VPS8: variants seen among roughly 807,000 people sequenced by gnomAD.
VPS8 encodes the protein vacuolar protein sorting-associated protein 8 homolog.
A neutral mutation model predicts 216.4 loss-of-function variants in VPS8; 129 were observed. The ratio of observed to expected loss-of-function variants is 0.60; its 90% CI spans 0.52 to 0.69. The LOEUF (loss-of-function observed/expected upper bound fraction) is 0.69, where lower values mean the gene tolerates loss of function less well. Among genes scored for constraint, VPS8 ranks in the 30% least tolerant of loss-of-function variants. The pLI is 0.00. For missense variants in VPS8, 1,531 were observed against 1,683.5 expected (o/e 0.91, Z 1.59); for synonymous variants, 571 against 565.4 (o/e 1.01, Z -0.14).
rs988333239 is a variant in VPS8 at position 184,832,631 on chromosome 3, A to C, written c.223-58A>C. 3 of 1,490,930 alleles carry C rather than the reference A, an allele frequency of 2.0e-6. No homozygotes were observed. The Admixed American group carries it at 6.4e-5, about 32-fold the overall frequency. The allele number at this position is 1,490,930 out of a possible 1,614,324, so 92.4% of individuals were successfully genotyped here. On this transcript the variant is annotated intron_variant, in intron 3 of 47. Transcript: ENST00000625842. ...CTCTGGAGAAACCCATTAATGCCTG[A>C]CTCATTTCATAGAGTATTTGGATTT...
intron 42 of VPS8, among the ~76,000 whole-genome samples, chr3:184,984,947 A>G (rs1750840242): frequency 6.6e-6 from 1 of 152,196 alleles, no homozygotes; most frequent in Non-Finnish European, 1.5e-5. Flanking sequence ...AAGTCTCTTG[A>G]TATTTGAAAA....
intron 45 of VPS8, among the ~76,000 whole-genome samples, chr3:185,010,146 C>T (rs1049683624): frequency 7.9e-5 from 12 of 152,100 alleles, no homozygotes; most frequent in African/African-American, 2.4e-4. Flanking sequence ...TTCTTAGCCT[C>T]AGTAGTGGGG....
chr3:184,855,676 C>A, intron 13 of VPS8, 35 bp from the exon 14 acceptor site: 1 of 1,499,538 alleles, frequency 6.7e-7, no homozygotes, highest in Non-Finnish European at 9.2e-7. Flanking sequence ...TGTTTATTAA[C>A]TGTGATGATT....
At chr3:185,019,598 C>T (rs991087775) in intron 45 of VPS8, among the ~76,000 whole-genome samples, 7 of 152,236 alleles carry the variant, frequency 4.6e-5, no homozygotes, top group Non-Finnish European at 7.3e-5. Context: ...AGGCACAGAT[C>T]GCTCATGCTA....
rs974287621 is a variant in VPS8 at position 184,996,647 on chromosome 3, T to G, written c.3836+146T>G. 2.9e-5 allele frequency: 27 copies of G among 918,072 alleles called. No homozygotes were observed. The Admixed American group carries it at 5.9e-4, about 20-fold the overall frequency. 56.9% of individuals were successfully genotyped at this position (918,072 alleles called of 1,614,324 possible). A position where few individuals can be genotyped will look rare whatever the true frequency, so the allele number is the denominator to read the frequency against. ...GCCCTCACAGACCTTACATTCTGCA[T>G]TGGGGTGGAGGTTAGGGTGCCCAGG... is the stretch of plus-strand genomic sequence containing the variant. On this transcript the variant is annotated intron_variant, in intron 44 of 47. Transcript: ENST00000625842.
intron 33 of VPS8, among the ~76,000 whole-genome samples, chr3:184,929,982 T>G (rs750537806): frequency 3.3e-5 from 5 of 151,906 alleles, no homozygotes. Flanking sequence ...ATAAACTGAG[T>G]TTTGGAATTT....
Position 184,834,631 on chromosome 3 carries a change from T to C in VPS8, c.354-18T>C. The C allele has an allele frequency of 6.6e-7, 1 of 1,523,008 alleles. No individual in the cohort carries two copies. The highest frequency in any genetic ancestry group is 1.3e-5 in the South Asian group (1 of 78,582). 94.3% of individuals were successfully genotyped at this position (1,523,008 alleles called of 1,614,324 possible). A position where few individuals can be genotyped will look rare whatever the true frequency, so the allele number is the denominator to read the frequency against. ...CTATTTTTATCTGTTTTTAAATGTT[T>C]TTCTTTTTTTTTTTCAGGAAGAAGA... On this transcript the variant is annotated intron_variant, in intron 4 of 47. Transcript: ENST00000625842.
chr3:184,877,067 G>T (rs1403496177), intron 21 of VPS8, among the ~76,000 whole-genome samples: 1 of 152,136 alleles, frequency 6.6e-6, no homozygotes, highest in Non-Finnish European at 1.5e-5. Flanking sequence ...GTTCTTTCCA[G>T]TGTCTTAACA....
rs772730066 is a variant in VPS8 at position 184,849,157 on chromosome 3, G to C, written c.628G>C (p.Asp210His). Residue 210 changes from aspartate to histidine, a missense_variant, in exon 9 of 48, where the codon GAT (aspartate) becomes CAT (histidine). This residue lies in a region of VPS8 where 1,318 missense variants were observed against 1,468.4 expected (regional missense o/e 0.90). Transcript: ENST00000625842. ...TATCTCTGCCCTCAGTATCAACAATGATTGCTCAAGACTTCTTTGTGGCTT... is the reference window on the plus strand; with the variant it reads ...TATCTCTGCCCTCAGTATCAACAATCATTGCTCAAGACTTCTTTGTGGCTT... The part of the protein sequence containing the change: ...GAISALSINN[D>H]CSRLLCGFAK... 6.2e-7 allele frequency: 1 copy of C among 1,613,522 alleles called. No individual in the cohort carries two copies. The highest frequency in any genetic ancestry group is 1.1e-5 in the South Asian group (1 of 91,062).
chr3:184,907,999 A>G (rs1735793533), intron 25 of VPS8, among the ~76,000 whole-genome samples: 1 of 152,192 alleles, frequency 6.6e-6, no homozygotes, highest in African/African-American at 2.4e-5. Context: ...GAACTTTTCA[A>G]AAGCCCCGCA....
At position 185,024,358 on chromosome 3, in the gene VPS8, A is replaced by C. The variant is rs748487341; in HGVS notation, c.4025A>C (p.His1342Pro). 1 of 1,598,458 alleles carries C rather than the reference A, an allele frequency of 6.3e-7. No homozygotes were observed. The highest frequency in any genetic ancestry group is 1.7e-5 in the Admixed American group (1 of 57,922). ...CAGGTAAAAATGTCTCCATCGTATC[A>C]TCAGTCCAAAGGGGATCCCACTGCT... is the stretch of plus-strand genomic sequence containing the variant. ...PSQVKMSPSY[H>P]QSKGDPTAKK... Residue 1342 changes from histidine (H) to proline (P), a missense_variant, in exon 46 of 48, where the codon CAT becomes CCT. Physicochemically the swap from His to Pro is moderately conservative, Grantham distance 77. Around this residue, in one of 3 missense-constraint regions of VPS8, gnomAD observed 1,318 missense variants for 1,468.4 expected, o/e 0.90. Transcript: ENST00000625842.
chr3:184,844,960 T>TAGTCTCATTTC (rs1455620198), intron 8 of VPS8, among the ~76,000 whole-genome samples: 1 of 152,248 alleles, frequency 6.6e-6, no homozygotes, highest in African/African-American at 2.4e-5. Flanking sequence ...AGAAAGGTGA[T>TAGTCTCATTTC]AGTCTCATTT....
intron 39 of VPS8, among the ~76,000 whole-genome samples, chr3:184,969,354 G>C (rs1469402915): frequency 6.8e-6 from 1 of 147,716 alleles, no homozygotes; most frequent in African/African-American, 2.5e-5. Context: ...CTGACCTCAT[G>C]ATCTGCCTGC....
At position 184,824,669 on chromosome 3, in the gene VPS8, A is replaced by G. The variant is rs1184616352; in HGVS notation, c.37A>G (p.Ser13Gly). 6.2e-7 allele frequency: 1 copy of G among 1,613,870 alleles called. No homozygotes were observed. Among genetic ancestry groups the G allele is most frequent in the African/African-American group, 1.3e-5 (1 of 74,924 alleles). Reference sequence around the variant, plus strand: ...ACCAGACCATGAAAATGTGGAACAGAGCCTCTGTGCCAAGACGAGCGAAGA... The same window carrying G: ...ACCAGACCATGAAAATGTGGAACAGGGCCTCTGTGCCAAGACGAGCGAAGA... The part of the protein sequence containing the change: ...NEPDHENVEQ[S>G]LCAKTSEEEL... The change falls in exon 2 of 48, where the codon AGC (serine) becomes GGC (glycine). Residue 13 changes from serine to glycine, a missense_variant. By Grantham distance (56) the Ser-to-Gly change is moderately conservative. Transcript: ENST00000625842.
At chr3:184,942,825 A>C (rs901388125) in intron 36 of VPS8, among the ~76,000 whole-genome samples, 38 of 152,240 alleles carry the variant, frequency 2.5e-4, no homozygotes, top group Non-Finnish European at 5.4e-4. Flanking sequence ...AAGCTAATCC[A>C]TAAAAGCTTC....
At chr3:184,849,778 T>C (rs777312269) in intron 9 of VPS8, 158 bp from the exon 10 acceptor site, 2 of 636,890 alleles carry the variant, frequency 3.1e-6, no homozygotes, top group Non-Finnish European at 5.5e-6. Context: ...GGCTCTATGC[T>C]TTAATGGATC....
intron 47 of VPS8, among the ~76,000 whole-genome samples, chr3:185,049,087 A>G (rs1197494414): frequency 6.6e-6 from 1 of 152,182 alleles, no homozygotes; most frequent in Non-Finnish European, 1.5e-5. Flanking sequence ...TTAAACTCGT[A>G]TGGTTCAACA....
At chr3:185,020,061 A>C (rs1285791543) in intron 45 of VPS8, among the ~76,000 whole-genome samples, 1 of 152,276 alleles carries the variant, frequency 6.6e-6, no homozygotes, top group African/African-American at 2.4e-5. Flanking sequence ...ACACGCTTTT[A>C]AGCAGGGACT....
chr3:184,994,359 C>T lies in VPS8; in HGVS notation c.3666+296C>T, dbSNP rs574920459. Among the ~76,000 whole-genome samples, 9 of 152,092 alleles carry T rather than the reference C, an allele frequency of 5.9e-5. No individual in the cohort carries two copies. In the South Asian group the frequency reaches 1.9e-3, roughly 32 times the overall value. On this transcript the variant is annotated intron_variant, in intron 43 of 47. Transcript: ENST00000625842. ...TCTACAAAAAATAAAAAAAAATTAG[C>T]TGGGCATGGTGGCATGTGCCTATAA...
Sources: gnomAD v4.1 joint callset for allele counts (sites outside exome capture counted in the v4.1 genomes callset) on GRCh38, gnomAD v4.1.1 for gene constraint, gnomAD v4.1.1 regional missense constraint, MANE v1.5 for transcripts, NCBI Gene and HGNC (gene_info 2026-07-23, HGNC 2026-07-21) for gene names.